Variants in CNTNAP2 observed in about 807,000 individuals in gnomAD.
The protein encoded by CNTNAP2 is contactin-associated protein-like 2.
CNTNAP2 carries 98 observed loss-of-function variants against 155.2 expected under a neutral mutation model. The ratio of observed to expected loss-of-function variants is 0.63; its 90% CI spans 0.54 to 0.75. The LOEUF is 0.75. CNTNAP2 is among the 30% of genes least tolerant of loss of function. The pLI is 0.00. For missense variants in CNTNAP2, 1,727 were observed against 1,688.1 expected, an observed-to-expected ratio of 1.02 and a Z score of -0.40; for synonymous variants, 651 against 631.2, an observed-to-expected ratio of 1.03 and a Z score of -0.47.
chr7:147,386,458 A>G (rs924217340), intron 9 of CNTNAP2, among the ~76,000 whole-genome samples: 2 of 152,146 alleles, frequency 1.3e-5, no homozygotes, highest in African/African-American at 4.8e-5. Context: ...TTTTCTGCTT[A>G]GAAATTGCTT....
At chr7:146,714,971 C>T (rs1445193329) in intron 1 of CNTNAP2, among the ~76,000 whole-genome samples, 4 of 152,094 alleles carry the variant, frequency 2.6e-5, no homozygotes, top group African/African-American at 9.7e-5. Context: ...CTCTTACCTA[C>T]TCAGGTAATT....
Position 148,383,648 on chromosome 7 carries a change from G to A in CNTNAP2, c.3476-1G>A, listed in dbSNP as rs534347978. ...CATTTTCATTTCTTTTTTTCTTTTA[G>A]AAACAGGGAAAATTGACCAAGAGAT... is the stretch of plus-strand genomic sequence containing the variant. On this transcript the variant is annotated splice_acceptor_variant, in intron 21 of 23. Transcript: ENST00000361727. LOFTEE classifies it high-confidence loss of function. 1 of 1,613,986 alleles carries A rather than the reference G, an allele frequency of 6.2e-7. No homozygotes were observed. Among genetic ancestry groups the A allele is most frequent in the Non-Finnish European group, 8.5e-7 (1 of 1,179,986 alleles).
chr7:147,365,064 CA>C (rs1219776613), intron 9 of CNTNAP2, among the ~76,000 whole-genome samples: 1 of 151,986 alleles, frequency 6.6e-6, no homozygotes, highest in Non-Finnish European at 1.5e-5. Flanking sequence ...TATTTTTTGT[CA>C]TTCTTTAATT....
intron 13 of CNTNAP2, among the ~76,000 whole-genome samples, chr7:147,758,913 G>C (rs1797257755): frequency 6.6e-6 from 1 of 152,078 alleles, no homozygotes; most frequent in South Asian, 2.1e-4. Context: ...ATTTGCTTCA[G>C]GTTATTCTGA....
intron 1 of CNTNAP2, among the ~76,000 whole-genome samples, chr7:146,342,669 G>A (rs146073455): frequency 2.0e-5 from 3 of 152,130 alleles, no homozygotes; most frequent in Non-Finnish European, 2.9e-5. Context: ...GTGTATCTAT[G>A]TAATAAAGAC....
chr7:146,679,877 G>A (rs1401297806), intron 1 of CNTNAP2, among the ~76,000 whole-genome samples: 2 of 151,944 alleles, frequency 1.3e-5, no homozygotes, highest in African/African-American at 2.4e-5. Context: ...TTAATTATAA[G>A]ACATTCTTTT....
At chr7:148,291,298 A>AATAT (rs34441877) in intron 21 of CNTNAP2, among the ~76,000 whole-genome samples, 4,434 of 131,276 alleles carry the variant, frequency 0.034, 89 homozygotes, top group Middle Eastern at 0.071. Flanking sequence ...ATATATATAT[A>AATAT]ATATATATAT....
At chr7:148,372,563 C>T (rs925520897) in intron 21 of CNTNAP2, among the ~76,000 whole-genome samples, 1 of 152,008 alleles carries the variant, frequency 6.6e-6, no homozygotes, top group African/African-American at 2.4e-5. Flanking sequence ...CAAAAATTAG[C>T]CTGGTGTGGT....
intron 3 of CNTNAP2, among the ~76,000 whole-genome samples, chr7:146,973,604 A>G (rs772173019): frequency 3.3e-5 from 5 of 152,220 alleles, no homozygotes; most frequent in African/African-American, 7.2e-5. Flanking sequence ...CAATACCATC[A>G]TGAGACATAT....
chr7:146,190,497 G>T (rs544315092), intron 1 of CNTNAP2, among the ~76,000 whole-genome samples: 1 of 152,162 alleles, frequency 6.6e-6, no homozygotes, highest in African/African-American at 2.4e-5. Context: ...TTTCACCATT[G>T]CTCTGGCCCT....
intron 1 of CNTNAP2, among the ~76,000 whole-genome samples, chr7:146,276,192 C>T (rs1336032016): frequency 6.6e-6 from 1 of 152,178 alleles, no homozygotes; most frequent in Non-Finnish European, 1.5e-5. Flanking sequence ...TATTTACTCC[C>T]TCTGGAAAAC....
intron 13 of CNTNAP2, among the ~76,000 whole-genome samples, chr7:147,867,646 T>G (rs1799257207): frequency 6.6e-6 from 1 of 152,198 alleles, no homozygotes; most frequent in Non-Finnish European, 1.5e-5. Context: ...TTTCTTCATT[T>G]CTTTTTACTC....
chr7:148,367,403 A>G (rs762704677), intron 21 of CNTNAP2, among the ~76,000 whole-genome samples: 1 of 152,180 alleles, frequency 6.6e-6, no homozygotes, highest in Non-Finnish European at 1.5e-5. Flanking sequence ...GTTCTAATAT[A>G]TAATATGTTA....
intron 1 of CNTNAP2, among the ~76,000 whole-genome samples, chr7:146,145,231 C>G (rs1373082615): frequency 6.6e-6 from 1 of 152,162 alleles, no homozygotes; most frequent in East Asian, 1.9e-4. Flanking sequence ...AATGAAGATT[C>G]AAGGGCCGAA....
At chr7:147,421,974 T>C (rs1797297850) in intron 10 of CNTNAP2, among the ~76,000 whole-genome samples, 1 of 151,928 alleles carries the variant, frequency 6.6e-6, no homozygotes, top group African/African-American at 2.4e-5. Context: ...ACATGTTTCT[T>C]GTACAGCCTA....
At chr7:146,492,782 A>G (rs1797159892) in intron 1 of CNTNAP2, among the ~76,000 whole-genome samples, 1 of 152,194 alleles carries the variant, frequency 6.6e-6, no homozygotes, top group African/African-American at 2.4e-5. Context: ...ATTATAGGGG[A>G]GCAAATTAAA....
intron 10 of CNTNAP2, among the ~76,000 whole-genome samples, chr7:147,482,081 G>A (rs1034496544): frequency 2.6e-5 from 4 of 151,954 alleles, no homozygotes; most frequent in Non-Finnish European, 4.4e-5. Context: ...CAGTTACTGA[G>A]CATGCACCTA....
intron 15 of CNTNAP2, among the ~76,000 whole-genome samples, chr7:148,081,235 G>T (rs969182257): frequency 2.0e-5 from 3 of 152,204 alleles, no homozygotes; most frequent in African/African-American, 7.2e-5. Flanking sequence ...TTTATTGGGT[G>T]AGGGGGACCT....
At chr7:146,251,841 T>C (rs925036561) in intron 1 of CNTNAP2, among the ~76,000 whole-genome samples, 1 of 152,228 alleles carries the variant, frequency 6.6e-6, no homozygotes. Context: ...GATATTATTA[T>C]AGAAAAGCCA....
Sources: gnomAD v4.1 joint callset for allele counts (sites outside exome capture counted in the v4.1 genomes callset) on GRCh38, gnomAD v4.1.1 for gene constraint, MANE v1.5 for transcripts, NCBI Gene and HGNC (gene_info 2026-07-23, HGNC 2026-07-21) for gene names.